Variants in RUVBL1 observed in about 807,000 individuals in gnomAD.
RUVBL1 encodes ruvB-like 1.
Under a neutral mutation model 52.4 loss-of-function variants are expected in RUVBL1, and 4 were observed. The observed-to-expected ratio is 0.08, with a 90% CI of 0.04 to 0.17. RUVBL1 has a LOEUF of 0.17. RUVBL1 is among the 10% of genes least tolerant of loss of function. The probability of loss-of-function intolerance (pLI) is 1.00; values close to 1 mark genes in which losing one functional copy is unlikely to be tolerated. For synonymous variants in RUVBL1, 217 were observed against 214.4 expected (o/e 1.01, Z -0.10); for missense variants, 298 against 572.8 (o/e 0.52, Z 4.90).
intron 9 of RUVBL1, among the ~76,000 whole-genome samples, chr3:128,074,868 TAAA>T (rs955898803): frequency 2.6e-4 from 32 of 123,114 alleles, no homozygotes; most frequent in Admixed American, 4.6e-4. Flanking sequence ...AAAAAAAACT[TAAA>T]AAACCATAAT....
chr3:128,133,435 G>A (rs944501016), intron 1 of RUVBL1, among the ~76,000 whole-genome samples: 1 of 152,242 alleles, frequency 6.6e-6, no homozygotes, highest in Non-Finnish European at 1.5e-5. Flanking sequence ...TGGCCCTTGG[G>A]TGAGACACAG....
chr3:128,117,913 A>C (rs910985532), intron 2 of RUVBL1, among the ~76,000 whole-genome samples: 6 of 152,230 alleles, frequency 3.9e-5, no homozygotes, highest in African/African-American at 1.4e-4. Context: ...TCTCAAAAAC[A>C]ACAGAAGCCA....
chr3:128,097,192 C>A, intron 8 of RUVBL1, 108 bp downstream of exon 8: 1 of 1,093,890 alleles, frequency 9.1e-7, no homozygotes, highest in Non-Finnish European at 1.3e-6. Context: ...AACAACATGA[C>A]CTCCCCTCAT....
chr3:128,097,755 A>G (rs1360616387), intron 7 of RUVBL1, among the ~76,000 whole-genome samples: 1 of 152,218 alleles, frequency 6.6e-6, no homozygotes, highest in African/African-American at 2.4e-5. Context: ...AAAAGGTTGC[A>G]CAGGTGTTCT....
chr3:128,071,859 A>G (rs769907921), intron 9 of RUVBL1, among the ~76,000 whole-genome samples: 2 of 152,156 alleles, frequency 1.3e-5, no homozygotes, highest in Non-Finnish European at 2.9e-5. Flanking sequence ...TTTGTGATAA[A>G]GTGATATGGG....
At chr3:128,107,560 T>C (rs1221168432) in intron 3 of RUVBL1, among the ~76,000 whole-genome samples, 2 of 152,234 alleles carry the variant, frequency 1.3e-5, no homozygotes, top group African/African-American at 4.8e-5. Flanking sequence ...GTTTGCCTTC[T>C]CTACCCCAGA....
chr3:128,090,390 G>A (rs1043476885), intron 8 of RUVBL1, among the ~76,000 whole-genome samples: 1 of 152,120 alleles, frequency 6.6e-6, no homozygotes, highest in African/African-American at 2.4e-5. Flanking sequence ...GTGGTGGCGG[G>A]CGCCTGTAGT....
chr3:128,118,990 TCAAGTA>T (rs1943585753), intron 2 of RUVBL1, among the ~76,000 whole-genome samples: 1 of 152,172 alleles, frequency 6.6e-6, no homozygotes, highest in South Asian at 2.1e-4. Context: ...TTTTGTCCCC[TCAAGTA>T]AGATGTCACT....
upstream of RUVBL1, among the ~76,000 whole-genome samples, chr3:128,126,900 T>C (rs1269635080): frequency 1.3e-5 from 2 of 152,210 alleles, no homozygotes; most frequent in Non-Finnish European, 2.9e-5. Flanking sequence ...CTGCGTAGTT[T>C]GGGCGAACTG....
Position 128,081,080 on chromosome 3 carries a change from AG to A in RUVBL1, c.*169del, listed in dbSNP as rs1388669538. 3.9e-5 allele frequency: 23 copies of A among 593,010 alleles called. No homozygotes were observed. The highest frequency in any genetic ancestry group is 1.0e-4 in the Admixed American group (3 of 29,320). The allele number at this position is 593,010 out of a possible 1,614,324, so 36.7% of individuals were successfully genotyped here. A position where few individuals can be genotyped will look rare whatever the true frequency, so the allele number is the denominator to read the frequency against. The stretch of plus-strand genomic sequence containing the variant: ...GGAAGGGTTCTTTCAAAGCAACCAC[AG>A]GAACAGTTACGATAACTTAAAAAGA... On this transcript the variant is annotated 3_prime_UTR_variant, in exon 11 of 11. Coordinates refer to ENST00000322623, the MANE Select transcript of RUVBL1 (RefSeq NM_003707.3). This position sits in a 1 kb window ranked among gnomAD's most constrained non-coding sequence, Gnocchi z 4.8.
chr3:128,108,697 A>AT (rs1943304976), intron 3 of RUVBL1, among the ~76,000 whole-genome samples: 2 of 143,766 alleles, frequency 1.4e-5, no homozygotes, highest in African/African-American at 5.6e-5. Flanking sequence ...CCTTGTCTCA[A>AT]TTAAAAAAAA....
At chr3:128,079,672 CAG>C (rs1048008093), downstream of RUVBL1, among the ~76,000 whole-genome samples, 1 of 152,226 alleles carries the variant, frequency 6.6e-6, no homozygotes, top group African/African-American at 2.4e-5. Flanking sequence ...AGTGTCTCCT[CAG>C]GGGCCAGGCC....
intron 1 of RUVBL1, among the ~76,000 whole-genome samples, chr3:128,133,666 C>T (rs1943911080): frequency 6.6e-6 from 1 of 152,222 alleles, no homozygotes; most frequent in African/African-American, 2.4e-5. Flanking sequence ...AGCTGAAAGT[C>T]ACAGCTTTAT....
intron 9 of RUVBL1, among the ~76,000 whole-genome samples, chr3:128,074,852 A>AAAAAAAC (rs1347110374): frequency 6.6e-6 from 1 of 151,656 alleles, no homozygotes; most frequent in African/African-American, 2.4e-5. Context: ...CAAAAAAAAA[A>AAAAAAAC]AAAAAAAAAA....
rs148375861 is a variant in RUVBL1 at position 128,067,538 on chromosome 3, A to G, written c.940-2318T>C. 4 of 1,614,068 alleles carry G rather than the reference A, an allele frequency of 2.5e-6. No individual in the cohort carries two copies. Among genetic ancestry groups the G allele is most frequent in the Non-Finnish European group, 3.4e-6 (4 of 1,179,968 alleles). On this transcript the variant is annotated intron_variant, in intron 9 of 9. Transcript: ENST00000464873. The surrounding 1 kb of genome is among the most constrained non-coding windows in gnomAD (Gnocchi z 4.1). ...AGACCCGGTCCATGCAGTTGTATAC[A>G]TAGTGTTCATGCTGGGCTCCTGTGC...
chr3:128,080,589 C>T (rs1421586618), downstream of RUVBL1, among the ~76,000 whole-genome samples: 6 of 152,212 alleles, frequency 3.9e-5, no homozygotes, highest in Non-Finnish European at 7.3e-5. Flanking sequence ...AACCCACAAT[C>T]CCAGTCTACT....
rs116886147 is a variant in RUVBL1, at chr3:128,088,047, G to C, written c.1017-239C>G. 1.9e-4 allele frequency among the ~76,000 whole-genome samples: 29 copies of C among 152,120 alleles called. No homozygotes were observed. In the East Asian group the frequency reaches 5.6e-3, roughly 29 times the overall value. ...GGCAGAGGCCTCCCAAAGATCACCT[G>C]AGGTCAGGAGTTCAAGAACGGCTGG... On this transcript the variant is annotated intron_variant, in intron 8 of 10. Transcript: ENST00000322623.
intron 9 of RUVBL1, among the ~76,000 whole-genome samples, chr3:128,073,285 C>T (rs1173484677): frequency 2.6e-5 from 4 of 152,164 alleles, no homozygotes; most frequent in African/African-American, 9.7e-5. Context: ...ACTGGCACTC[C>T]GCTCCATCCA....
At chr3:128,069,630 G>A (rs1407303964) in intron 9 of RUVBL1, 4 of 1,614,140 alleles carry the variant, frequency 2.5e-6, no homozygotes, top group South Asian at 1.1e-5. Flanking sequence ...GGAGCAAAGC[G>A]AGGTTGGCAG....
Sources: gnomAD v4.1 joint callset for allele counts (sites outside exome capture counted in the v4.1 genomes callset) on GRCh38, gnomAD v4.1.1 for gene constraint, Gnocchi (gnomAD v3.1) non-coding constraint, MANE v1.5 for transcripts, NCBI Gene and HGNC (gene_info 2026-07-23, HGNC 2026-07-21) for gene names.